The following YTHDF3 variants were observed in gnomAD, a reference collection of about 807,000 sequenced individuals.
The protein encoded by YTHDF3 is YTH domain-containing family protein 3.
A neutral mutation model predicts 52.5 loss-of-function variants in YTHDF3; 9 were observed. The observed-to-expected ratio is 0.17, with a 90% confidence interval of 0.10 to 0.30. The LOEUF is 0.30. Among genes scored for constraint, YTHDF3 ranks in the 10% least tolerant of loss-of-function variants. The probability of loss-of-function intolerance (pLI) is 1.00; values close to 1 mark genes in which losing one functional copy is unlikely to be tolerated. For missense variants in YTHDF3, 534 were observed against 715.0 expected, an observed-to-expected ratio of 0.75 and a Z score of 2.89; for synonymous variants, 274 against 243.3, an observed-to-expected ratio of 1.13 and a Z score of -1.18.
rs1316591392 is a variant in YTHDF3, at chr8:63,175,224, A to AT, written c.50-101dup. 9.6e-5 allele frequency: 73 copies of AT among 761,462 alleles called. No homozygotes were observed. In the African/African-American group the frequency reaches 1.1e-3, roughly 12 times the overall value. 47.2% of individuals were successfully genotyped at this position (761,462 alleles called of 1,614,324 possible). ...GGGTTCTTAAAAATAACTCAGTATTATTTTTTCTGATTACTTTTTTTGGCT... is the reference window on the plus strand; with the variant it reads ...GGGTTCTTAAAAATAACTCAGTATTATTTTTTTCTGATTACTTTTTTTGGCT... On this transcript the variant is annotated intron_variant, in intron 2 of 4. Coordinates refer to ENST00000539294, the MANE Select transcript of YTHDF3 (RefSeq NM_152758.6).
intron 4 of YTHDF3, among the ~76,000 whole-genome samples, chr8:63,205,906 C>G (rs1042793715): frequency 3.3e-5 from 5 of 152,140 alleles, no homozygotes; most frequent in African/African-American, 4.8e-5. Flanking sequence ...GGATCATTAA[C>G]TTTTGGAGGA....
intron 4 of YTHDF3, among the ~76,000 whole-genome samples, chr8:63,201,483 T>C (rs916910201): frequency 6.6e-6 from 1 of 152,242 alleles, no homozygotes; most frequent in African/African-American, 2.4e-5. Flanking sequence ...TTAACATGCA[T>C]AAAATTGTAC....
At chr8:63,175,540 TAGTA>T in intron 3 of YTHDF3, 124 bp downstream of exon 3, 1 of 769,698 alleles carries the variant, frequency 1.3e-6, no homozygotes, top group Non-Finnish European at 2.1e-6. Flanking sequence ...TGTACCTATA[TAGTA>T]AGTGAGTAGT....
intron 4 of YTHDF3, among the ~76,000 whole-genome samples, chr8:63,205,538 A>G (rs576175175): frequency 2.6e-5 from 4 of 151,684 alleles, no homozygotes; most frequent in African/African-American, 7.3e-5. Context: ...GGTTCAAGCA[A>G]TTCTCCTGCT....
At chr8:63,189,378 G>A (rs1305436554) in intron 4 of YTHDF3, among the ~76,000 whole-genome samples, 3 of 152,128 alleles carry the variant, frequency 2.0e-5, no homozygotes, top group African/African-American at 4.8e-5. Flanking sequence ...AAATGGATGG[G>A]CTTTTCTATA....
chr8:63,185,920 A>G (rs1263639019), intron 3 of YTHDF3, among the ~76,000 whole-genome samples: 1 of 152,236 alleles, frequency 6.6e-6, no homozygotes, highest in Non-Finnish European at 1.5e-5. Context: ...TCATCCCTGA[A>G]AAAAGCCATA....
Position 63,175,324 on chromosome 8 carries a change from T to G in YTHDF3, c.50-7T>G. ...CTACAACACTTCTAATACAAACATT[T>G]TTTTAGTTTCAGTACAAAACGGTTC... On this transcript the variant is annotated splice_region_variant and splice_polypyrimidine_tract_variant and intron_variant, in intron 2 of 4. Transcript: ENST00000539294. 1 of 1,598,924 alleles carries G rather than the reference T, an allele frequency of 6.3e-7. No individual in the cohort carries two copies. The highest frequency in any genetic ancestry group is 8.5e-7 in the Non-Finnish European group (1 of 1,170,510).
At chr8:63,169,329 CACTT>C in intron 1 of YTHDF3, 54 bp from the exon 2 acceptor site, 1 of 1,558,816 alleles carries the variant, frequency 6.4e-7, no homozygotes, top group Non-Finnish European at 8.7e-7. Context: ...TTGATTAACA[CACTT>C]TTTCTTTTCT....
rs1810394778 is a variant in YTHDF3, at chr8:63,212,012, A to G, written c.*2306A>G. On this transcript the variant is annotated 3_prime_UTR_variant, in exon 5 of 5. Transcript: ENST00000539294. The stretch of plus-strand genomic sequence containing the variant: ...ATTATCACAGGTTGTCTCAAGCACA[A>G]CCAACTGAATGTCTCTTAACTGTGG... 1 of 152,568 alleles carries G rather than the reference A, an allele frequency of 6.6e-6. No individual in the cohort carries two copies. The highest frequency in any genetic ancestry group is 1.5e-5 in the Non-Finnish European group (1 of 68,008). The allele number at this position is 152,568 out of a possible 1,614,324, so 9.5% of individuals were successfully genotyped here. A position where few individuals can be genotyped will look rare whatever the true frequency, so the allele number is the denominator to read the frequency against.
chr8:63,169,602 A>G (rs532779320), intron 2 of YTHDF3, 191 bp downstream of exon 2: 2 of 615,810 alleles, frequency 3.2e-6, no homozygotes, highest in African/African-American at 3.7e-5. Flanking sequence ...AAGCCACTTT[A>G]TAGAAACCAA....
At chr8:63,181,299 A>G (rs999709452) in intron 3 of YTHDF3, among the ~76,000 whole-genome samples, 9 of 152,206 alleles carry the variant, frequency 5.9e-5, no homozygotes, top group East Asian at 1.9e-4. Context: ...TAGTAATTCT[A>G]TACTGCCACT....
chr8:63,207,003 TCA>T (rs1335660013), intron 4 of YTHDF3, among the ~76,000 whole-genome samples: 1 of 152,220 alleles, frequency 6.6e-6, no homozygotes, highest in Non-Finnish European at 1.5e-5. Flanking sequence ...ATTATTTGTC[TCA>T]GTTTTCTGTA....
chr8:63,207,064 TCTC>T (rs1255180710), intron 4 of YTHDF3, among the ~76,000 whole-genome samples: 1 of 152,198 alleles, frequency 6.6e-6, no homozygotes, highest in Non-Finnish European at 1.5e-5. Context: ...TGTGTTAAGT[TCTC>T]CTGCTCTCTT....
intron 2 of YTHDF3, among the ~76,000 whole-genome samples, chr8:63,172,073 T>C (rs1218257785): frequency 6.6e-6 from 1 of 152,244 alleles, no homozygotes; most frequent in Non-Finnish European, 1.5e-5. Flanking sequence ...TTGAATTCTT[T>C]TTTAATTAAG....
intron 2 of YTHDF3, among the ~76,000 whole-genome samples, chr8:63,170,803 G>T (rs187170244): frequency 6.6e-6 from 1 of 152,064 alleles, no homozygotes; most frequent in Non-Finnish European, 1.5e-5. Flanking sequence ...TATGTTACCC[G>T]CTTTAAGGTA....
intron 4 of YTHDF3, among the ~76,000 whole-genome samples, chr8:63,205,046 G>T (rs1378000907): frequency 6.6e-6 from 1 of 152,124 alleles, no homozygotes; most frequent in African/African-American, 2.4e-5. Flanking sequence ...AAAGACAGGA[G>T]TTGGCAGTAA....
intron 4 of YTHDF3, among the ~76,000 whole-genome samples, chr8:63,201,217 C>T (rs1219698458): frequency 2.0e-5 from 3 of 152,050 alleles, no homozygotes; most frequent in Admixed American, 2.0e-4. Context: ...ATATCTAAGC[C>T]ATTGCATGTG....
At chr8:63,204,467 T>G (rs974513012) in intron 4 of YTHDF3, among the ~76,000 whole-genome samples, 5 of 151,812 alleles carry the variant, frequency 3.3e-5, no homozygotes, top group Admixed American at 6.6e-5. Context: ...GTTCAAGCGA[T>G]TTTCCTGCCT....
chr8:63,209,602 T>A, intron 4 of YTHDF3, 81 bp from the exon 5 acceptor site: 1 of 1,322,804 alleles, frequency 7.6e-7, no homozygotes, highest in Non-Finnish European at 1.0e-6. Context: ...TTACATTATA[T>A]GTGCATATAG....
Sources: allele counts gnomAD v4.1 joint callset (sites outside exome capture counted in the v4.1 genomes callset), GRCh38; gene constraint gnomAD v4.1.1; transcripts MANE v1.5; gene names NCBI Gene and HGNC (gene_info 2026-07-23, HGNC 2026-07-21).